RAI14: variants seen among roughly 807,000 people sequenced by gnomAD.
The protein encoded by RAI14 is retinoic acid induced 14.
RAI14 carries 45 observed loss-of-function variants against 115.4 expected under a neutral mutation model. The observed-to-expected ratio is 0.39, with a 90% CI of 0.31 to 0.50. RAI14 has a LOEUF of 0.50. Ranked by LOEUF, RAI14 falls within the 20% of genes least tolerant of loss-of-function variation. The probability of loss-of-function intolerance (pLI) is 0.85; values close to 1 mark genes in which losing one functional copy is unlikely to be tolerated. For missense variants in RAI14, 939 were observed against 1,131.2 expected (o/e 0.83, Z 2.44); for synonymous variants, 371 against 415.4 (o/e 0.89, Z 1.30).
chr5:34,802,567 C>T (rs1374921412), intron 4 of RAI14, among the ~76,000 whole-genome samples: 1 of 152,064 alleles, frequency 6.6e-6, no homozygotes, highest in East Asian at 1.9e-4. Context: ...TTCAGATGGA[C>T]AGAAATGTAT....
At chr5:34,801,192 C>T (rs2150226622) in intron 4 of RAI14, among the ~76,000 whole-genome samples, 1 of 152,278 alleles carries the variant, frequency 6.6e-6, no homozygotes, top group East Asian at 1.9e-4. Flanking sequence ...CATCCTCCTC[C>T]TTTTGGGAGG....
intron 2 of RAI14, among the ~76,000 whole-genome samples, chr5:34,756,129 G>A (rs1747847020): frequency 6.6e-6 from 1 of 152,162 alleles, no homozygotes; most frequent in East Asian, 1.9e-4. Context: ...ATCCCTCCCT[G>A]GCTTAAGGCC....
At chr5:34,710,488 T>C (rs529679152) in intron 2 of RAI14, among the ~76,000 whole-genome samples, 120 of 152,310 alleles carry the variant, frequency 7.9e-4, no homozygotes, top group African/African-American at 2.8e-3. Flanking sequence ...TGCATGCCTC[T>C]TGCTTCTCAA....
chr5:34,661,475 G>A (rs182859424), intron 1 of RAI14, among the ~76,000 whole-genome samples: 1 of 152,142 alleles, frequency 6.6e-6, no homozygotes, highest in Admixed American at 6.5e-5. Flanking sequence ...AACACTTACT[G>A]GATATCCTAA....
At chr5:34,821,536 G>A (rs994237815) in intron 13 of RAI14, among the ~76,000 whole-genome samples, 196 bp from the exon 14 acceptor site, 2 of 151,908 alleles carry the variant, frequency 1.3e-5, no homozygotes, top group African/African-American at 4.8e-5. Flanking sequence ...TATTGTGCTA[G>A]CAATACCACA....
intron 1 of RAI14, among the ~76,000 whole-genome samples, chr5:34,678,867 C>T (rs1744187750): frequency 6.6e-6 from 1 of 152,196 alleles, no homozygotes; most frequent in Admixed American, 6.5e-5. Flanking sequence ...CCCTCTTTGT[C>T]CTTCCAATCT....
chr5:34,665,508 T>C lies in RAI14; in HGVS notation c.-49+9033T>C, dbSNP rs533481220. ...ATTTTTTTTTCTTTTTTTTTTTTTT[T>C]CTCTAAGAGGAATCCATTTGCAAAC... On this transcript the variant is annotated intron_variant, in intron 1 of 17. Coordinates refer to ENST00000265109, the MANE Select transcript of RAI14 (RefSeq NM_015577.3). Among the ~76,000 whole-genome samples, 5 of 150,534 alleles carry C rather than the reference T, an allele frequency of 3.3e-5. No individual in the cohort carries two copies. The South Asian group carries it at 6.3e-4, about 19-fold the overall frequency.
intron 2 of RAI14, among the ~76,000 whole-genome samples, chr5:34,691,085 G>A (rs897787156): frequency 3.3e-5 from 5 of 152,134 alleles, no homozygotes. Context: ...AATTTGGGGA[G>A]CTTTATGGAG....
At position 34,830,861 on chromosome 5, in the gene RAI14, T is replaced by A; in HGVS notation, c.*96T>A. The A allele has an allele frequency of 6.4e-7, 1 of 1,569,734 alleles. No homozygotes were observed. The highest frequency in any genetic ancestry group is 1.4e-5 in the African/African-American group (1 of 73,438). On this transcript the variant is annotated 3_prime_UTR_variant, in exon 18 of 18. Coordinates refer to ENST00000265109, the MANE Select transcript of RAI14 (RefSeq NM_015577.3). ...GCTGCCATTGTTCTCATTCGTGGTA[T>A]GCACTGTGGCCTAGCGTAGCTTCTT...
intron 9 of RAI14, 115 bp downstream of exon 9, chr5:34,812,060 G>GA (rs71820739): frequency 0.15 from 180,617 of 1,241,308 alleles, 11,145 homozygotes; most frequent in South Asian, 0.17. Context: ...ACATATTCTT[G>GA]AAAAAAAAAG....
At chr5:34,756,520 C>T (rs1027189485) in intron 2 of RAI14, among the ~76,000 whole-genome samples, 8 of 152,138 alleles carry the variant, frequency 5.3e-5, no homozygotes, top group African/African-American at 1.4e-4. Context: ...GAAGGCAGCC[C>T]GGGCTTGCAA....
In RAI14 at chr5:34,823,366, C is replaced by T. The variant is rs887524058; in HGVS notation, c.1524C>T (p.Leu508=). The change falls in exon 15 of 18, where the codon CTC becomes CTT. Residue 508 remains leucine, a synonymous_variant. Transcript: ENST00000265109. The surrounding 1 kb of genome is among the most constrained non-coding windows in gnomAD (Gnocchi z 4.5). ...EVLSVQKQMK[L]GLVSPESMDN... is the part of the protein sequence containing the mutation. ...TTAGTGTGCAGAAGCAGATGAAACT[C>T]GGTCTTGTCTCACCTGAAAGCATGG... 3 of 1,613,936 alleles carry T rather than the reference C, an allele frequency of 1.9e-6. No individual in the cohort carries two copies. The highest frequency in any genetic ancestry group is 1.3e-5 in the African/African-American group (1 of 74,946).
At chr5:34,663,558 T>G (rs1192189680) in intron 1 of RAI14, among the ~76,000 whole-genome samples, 2 of 152,258 alleles carry the variant, frequency 1.3e-5, no homozygotes, top group East Asian at 3.9e-4. Flanking sequence ...TTTACTGACT[T>G]AACCATGTGT....
intron 2 of RAI14, chr5:34,687,767 G>A (rs1004810532): frequency 8.4e-6 from 13 of 1,538,592 alleles, no homozygotes; most frequent in South Asian, 2.4e-5. Flanking sequence ...CATTTCAGGC[G>A]AGGTAATTAA....
rs1410009955 is a variant in RAI14, at chr5:34,811,949, T to C, written c.736+4T>C. 5 of 1,601,184 alleles carry C rather than the reference T, an allele frequency of 3.1e-6. No individual in the cohort carries two copies. Among genetic ancestry groups the C allele is most frequent in the Non-Finnish European group, 2.6e-6 (3 of 1,173,906 alleles). The stretch of plus-strand genomic sequence containing the variant: ...TCAAAAATCTCTCAGGATGCTGGTA[T>C]GTAAAAGAAAATAGCCAATGTTGTT... On this transcript the variant is annotated splice_donor_region_variant and intron_variant, in intron 9 of 17. Coordinates refer to ENST00000265109, the MANE Select transcript of RAI14 (RefSeq NM_015577.3).
intron 1 of RAI14, among the ~76,000 whole-genome samples, chr5:34,664,443 A>G (rs1038938639): frequency 1.3e-5 from 2 of 150,954 alleles, no homozygotes; most frequent in African/African-American, 4.8e-5. Flanking sequence ...AAAGAAAAAA[A>G]TTGACATTTA....
intron 1 of RAI14, among the ~76,000 whole-genome samples, chr5:34,664,021 C>G (rs1742910731): frequency 6.6e-6 from 1 of 152,116 alleles, no homozygotes; most frequent in Non-Finnish European, 1.5e-5. Flanking sequence ...ATATGTCACA[C>G]CGGGGCAAGG....
chr5:34,746,090 C>T (rs1236779487), intron 2 of RAI14, among the ~76,000 whole-genome samples: 1 of 79,080 alleles, frequency 1.3e-5, no homozygotes, highest in Admixed American at 1.5e-4. Context: ...ACACCACCCC[C>T]TCCCCCCCCC....
At chr5:34,784,958 T>G (rs902504872) in intron 3 of RAI14, among the ~76,000 whole-genome samples, 1 of 152,252 alleles carries the variant, frequency 6.6e-6, no homozygotes, top group Admixed American at 6.5e-5. Flanking sequence ...GGCTACTTTC[T>G]GTGGCACAAT....
Sources: allele counts gnomAD v4.1 joint callset (sites outside exome capture counted in the v4.1 genomes callset), GRCh38; gene constraint gnomAD v4.1.1; non-coding constraint Gnocchi (gnomAD v3.1); transcripts MANE v1.5; gene names NCBI Gene and HGNC (gene_info 2026-07-23, HGNC 2026-07-21).